GALNT18: variants seen among roughly 807,000 people sequenced by gnomAD.
GALNT18 encodes GalNAc-transferase 18.
In GALNT18, 44 loss-of-function variants were observed where a neutral mutation model predicts 69.5. That is an observed-to-expected ratio of 0.63 (90% CI 0.50 to 0.81). The LOEUF (loss-of-function observed/expected upper bound fraction) is 0.81. GALNT18 is among the 40% of genes least tolerant of loss of function. The pLI, the probability that GALNT18 is intolerant of heterozygous loss-of-function variation, is 0.00. For synonymous variants in GALNT18, 364 were observed against 318.2 expected, an observed-to-expected ratio of 1.14 and a Z score of -1.53; for missense variants, 715 against 810.0, an observed-to-expected ratio of 0.88 and a Z score of 1.42.
rs7941008 is a variant in GALNT18, at chr11:11,367,629, T to C, written c.1092+4886A>G. On this transcript the variant is annotated intron_variant, in intron 6 of 10. Coordinates refer to ENST00000227756, the MANE Select transcript of GALNT18 (RefSeq NM_198516.3). Reference sequence around the variant, plus strand: ...GCTGTGGTTGTAGTGGCATTCTTCCTCACCACCCCCTACTTCTTTGGTTTC... The same window carrying C: ...GCTGTGGTTGTAGTGGCATTCTTCCCCACCACCCCCTACTTCTTTGGTTTC... Among the ~76,000 whole-genome samples, 1,388 of 152,300 alleles carry C rather than the reference T, an allele frequency of 9.1e-3. 16 individuals carry two copies. Among genetic ancestry groups the C allele is most frequent in the African/African-American group, 0.031 (1,268 of 41,560 alleles).
intron 1 of GALNT18, among the ~76,000 whole-genome samples, chr11:11,561,551 T>C (rs1438438579): frequency 6.6e-6 from 1 of 152,120 alleles, no homozygotes; most frequent in Non-Finnish European, 1.5e-5. Context: ...AATGTGAAAA[T>C]GCCTAGCAGA....
chr11:11,621,748 T>C lies in GALNT18; in HGVS notation c.-155A>G. The stretch of plus-strand genomic sequence containing the variant: ...TCCAAAGCCCGGTCCGCTGCCGGTG[T>C]AGCCGCCGTGCCCAAGTTTGCAGCT... On this transcript the variant is annotated 5_prime_UTR_variant, in exon 1 of 11. Coordinates refer to ENST00000227756, the MANE Select transcript of GALNT18 (RefSeq NM_198516.3). This position sits in a 1 kb window ranked among gnomAD's most constrained non-coding sequence, Gnocchi z 9.3. The C allele has an allele frequency of 1.6e-6, 1 of 611,266 alleles. No individual in the cohort carries two copies. The highest frequency in any genetic ancestry group is 2.0e-5 in the South Asian group (1 of 49,874). 37.9% of individuals were successfully genotyped at this position (611,266 alleles called of 1,614,324 possible).
intron 1 of GALNT18, among the ~76,000 whole-genome samples, chr11:11,577,652 C>T (rs1858958777): frequency 6.6e-6 from 1 of 152,178 alleles, no homozygotes; most frequent in Non-Finnish European, 1.5e-5. Flanking sequence ...CTCAACACCC[C>T]AAATCGATTC....
intron 1 of GALNT18, among the ~76,000 whole-genome samples, chr11:11,534,180 A>T (rs35961024): frequency 0.21 from 32,414 of 152,122 alleles, 4,147 homozygotes; most frequent in Non-Finnish European, 0.27. Context: ...AGCCATGGGT[A>T]ATAGGTTCAC....
rs12416736 is a variant in GALNT18 at position 11,590,316 on chromosome 11, C to T, written c.235+31043G>A. ...TCTGCCGATTGCATGCAAGGGGTCA[C>T]GCAGAAAGCGACAGGGCCCAAGCCT... is the stretch of plus-strand genomic sequence containing the variant. On this transcript the variant is annotated intron_variant, in intron 1 of 10. Coordinates refer to ENST00000227756, the MANE Select transcript of GALNT18 (RefSeq NM_198516.3). This position sits in a 1 kb window ranked among gnomAD's most constrained non-coding sequence, Gnocchi z 4.4. 0.18 allele frequency among the ~76,000 whole-genome samples: 27,249 copies of T among 152,160 alleles called. 2,667 individuals are homozygous for T. Among genetic ancestry groups the T allele is most frequent in the Middle Eastern group, 0.26 (76 of 294 alleles).
intron 1 of GALNT18, among the ~76,000 whole-genome samples, chr11:11,495,411 C>T (rs1005595875): frequency 3.9e-5 from 6 of 152,154 alleles, no homozygotes; most frequent in African/African-American, 1.4e-4. Context: ...AAAGGGATGA[C>T]TTGTAGGACA....
chr11:11,516,503 T>C (rs1290403731), intron 1 of GALNT18, among the ~76,000 whole-genome samples: 1 of 152,118 alleles, frequency 6.6e-6, no homozygotes, highest in Non-Finnish European at 1.5e-5. Flanking sequence ...TGGTGGAGCA[T>C]ATCTGTAGTC....
chr11:11,290,207 G>C (rs760212723), intron 10 of GALNT18, among the ~76,000 whole-genome samples: 2 of 152,232 alleles, frequency 1.3e-5, no homozygotes, highest in Non-Finnish European at 2.9e-5. Context: ...CCTGTGCTAA[G>C]AGGAGACTTT....
At position 11,505,908 on chromosome 11, in the gene GALNT18, G is replaced by T. The variant is rs1303025059; in HGVS notation, c.236-56972C>A. The stretch of plus-strand genomic sequence containing the variant: ...GCCAGCCATCCATCCTCACTCCTCT[G>T]AAAGGAAGTCATCCTCCCCTATGGC... On this transcript the variant is annotated intron_variant, in intron 1 of 10. Transcript: ENST00000227756. The surrounding 1 kb of genome is among the most constrained non-coding windows in gnomAD (Gnocchi z 4.6). 6.6e-6 allele frequency among the ~76,000 whole-genome samples: 1 copy of T among 152,162 alleles called. No homozygotes were observed. The highest frequency in any genetic ancestry group is 2.4e-5 in the African/African-American group (1 of 41,438).
intron 1 of GALNT18, among the ~76,000 whole-genome samples, chr11:11,609,708 C>T (rs1274250405): frequency 6.6e-6 from 1 of 152,186 alleles, no homozygotes; most frequent in African/African-American, 2.4e-5. Context: ...TATTTCCTCC[C>T]ATTCCCACAC....
At chr11:11,525,170 G>A (rs1473631947) in intron 1 of GALNT18, among the ~76,000 whole-genome samples, 1 of 152,082 alleles carries the variant, frequency 6.6e-6, no homozygotes, top group Admixed American at 6.6e-5. Flanking sequence ...GGGAGGAGGA[G>A]AGGTAGGAAA....
chr11:11,568,950 T>C (rs546841484), intron 1 of GALNT18, among the ~76,000 whole-genome samples: 1 of 152,332 alleles, frequency 6.6e-6, no homozygotes, highest in South Asian at 2.1e-4. Context: ...AGATGTTGCT[T>C]AGCCAAGAAT....
chr11:11,306,561 C>T (rs1233685143), intron 9 of GALNT18, among the ~76,000 whole-genome samples: 3 of 152,188 alleles, frequency 2.0e-5, no homozygotes, highest in African/African-American at 4.8e-5. Context: ...TTGGATGTTA[C>T]AGACCTCAGA....
chr11:11,319,010 T>G (rs1031197710), intron 9 of GALNT18, among the ~76,000 whole-genome samples: 42 of 152,214 alleles, frequency 2.8e-4, no homozygotes, highest in African/African-American at 9.9e-4. Flanking sequence ...ACTTTTGCAT[T>G]TAATCTCTCC....
chr11:11,356,704 ATCTC>A lies in GALNT18; in HGVS notation c.1093-15704_1093-15701del, dbSNP rs1387633233. ...GTTACCTCGTTTGTGCATGTTATTAATCTCTCTTTTATACAGCTCCCTCATTGAA... is the reference window on the plus strand; with the variant it reads ...GTTACCTCGTTTGTGCATGTTATTAATCTTTTATACAGCTCCCTCATTGAA... On this transcript the variant is annotated intron_variant, in intron 6 of 10. Coordinates refer to ENST00000227756, the MANE Select transcript of GALNT18 (RefSeq NM_198516.3). The surrounding 1 kb of genome is among the most constrained non-coding windows in gnomAD (Gnocchi z 4.4). Among the ~76,000 whole-genome samples, 2 of 152,104 alleles carry A rather than the reference ATCTC, an allele frequency of 1.3e-5. No individual in the cohort carries two copies. The highest frequency in any genetic ancestry group is 4.8e-5 in the African/African-American group (2 of 41,410).
rs1860172861 is a variant in GALNT18 at position 11,620,761 on chromosome 11, C to G, written c.235+598G>C. 6.6e-6 allele frequency among the ~76,000 whole-genome samples: 1 copy of G among 152,140 alleles called. No homozygotes were observed. The highest frequency in any genetic ancestry group is 1.5e-5 in the Non-Finnish European group (1 of 68,026). ...GTGGGGGTAGGGACTGCTATAGGTT[C>G]AAGCGGCTTTTCAACCACAGAGGGC... On this transcript the variant is annotated intron_variant, in intron 1 of 10. Coordinates refer to ENST00000227756, the MANE Select transcript of GALNT18 (RefSeq NM_198516.3). This position sits in a 1 kb window ranked among gnomAD's most constrained non-coding sequence, Gnocchi z 6.9.
chr11:11,536,664 A>G (rs550946031), intron 1 of GALNT18, among the ~76,000 whole-genome samples: 3 of 151,648 alleles, frequency 2.0e-5, no homozygotes, highest in South Asian at 4.2e-4. Context: ...AAAAAAAAAA[A>G]CCTCCTGGTC....
intron 1 of GALNT18, among the ~76,000 whole-genome samples, chr11:11,457,436 C>T (rs1368239607): frequency 1.3e-5 from 2 of 152,216 alleles, no homozygotes; most frequent in Non-Finnish European, 2.9e-5. Context: ...GGACCTCTTC[C>T]TAGGCAAGAA....
intron 1 of GALNT18, among the ~76,000 whole-genome samples, chr11:11,468,380 C>T (rs1310422208): frequency 6.6e-6 from 1 of 152,222 alleles, no homozygotes; most frequent in East Asian, 1.9e-4. Flanking sequence ...GTGGCGGTCC[C>T]CAGGCCCCCA....
Sources: gnomAD v4.1 joint callset for allele counts (sites outside exome capture counted in the v4.1 genomes callset) on GRCh38, gnomAD v4.1.1 for gene constraint, Gnocchi (gnomAD v3.1) non-coding constraint, MANE v1.5 for transcripts, NCBI Gene and HGNC (gene_info 2026-07-23, HGNC 2026-07-21) for gene names.